CDH10: variants seen among roughly 807,000 people sequenced by gnomAD.
CDH10 encodes cadherin-10.
CDH10 carries 30 observed loss-of-function variants against 73.1 expected under a neutral mutation model. The observed-to-expected ratio is 0.41, with a 90% CI of 0.31 to 0.56. The LOEUF is 0.56. CDH10 is among the 20% of genes least tolerant of loss of function. The probability of loss-of-function intolerance (pLI) is 0.27; values close to 1 mark genes in which losing one functional copy is unlikely to be tolerated. For synonymous variants in CDH10, 345 were observed against 348.2 expected (o/e 0.99, Z 0.10); for missense variants, 815 against 973.7 (o/e 0.84, Z 2.17).
chr5:24,521,413 G>A lies in CDH10; in HGVS notation c.815-9899C>T, dbSNP rs989479278. 3.3e-5 allele frequency among the ~76,000 whole-genome samples: 5 copies of A among 152,106 alleles called. No homozygotes were observed. In the East Asian group the frequency reaches 9.7e-4, roughly 29 times the overall value. On this transcript the variant is annotated intron_variant, in intron 5 of 11. Transcript: ENST00000264463. ...TGCAAAATTAGCCGGGCATGGTGGT[G>A]CATGCTTGCATGCCTGACTAACATG...
At chr5:24,644,116 T>C (rs1345534389) in intron 1 of CDH10, among the ~76,000 whole-genome samples, 1 of 152,150 alleles carries the variant, frequency 6.6e-6, no homozygotes, top group Non-Finnish European at 1.5e-5. Flanking sequence ...CATTTCTGTT[T>C]ATATTGAACG....
chr5:24,535,164 A>G lies in CDH10; in HGVS notation c.762T>C (p.Thr254=), dbSNP rs776996866. Residue 254 remains threonine, a synonymous_variant, in exon 5 of 12, where the codon ACT becomes ACC. Transcript: ENST00000264463. ...TGACATCTGTCAGCGTGATGTTCAC[A>G]GTGGTTGTCCCCGATAAGCCTCCCA... ...GQMGGLSGTT[T]VNITLTDVND... is the part of the protein sequence containing the mutation. 1.9e-6 allele frequency: 3 copies of G among 1,613,460 alleles called. No homozygotes were observed. Among genetic ancestry groups the G allele is most frequent in the South Asian group, 1.1e-5 (1 of 91,042 alleles).
chr5:24,491,405 G>T (rs891790660), intron 11 of CDH10, among the ~76,000 whole-genome samples, 171 bp downstream of exon 11: 1 of 151,696 alleles, frequency 6.6e-6, no homozygotes, highest in Non-Finnish European at 1.5e-5. Flanking sequence ...TTATATATTC[G>T]TATATATTCC....
chr5:24,488,801 CA>C (rs201554304), intron 11 of CDH10, among the ~76,000 whole-genome samples: 79 of 114,742 alleles, frequency 6.9e-4, no homozygotes, highest in Admixed American at 9.9e-4. Flanking sequence ...ACCCCCCCCC[CA>C]AAAAAAATTG....
At chr5:24,622,682 C>A (rs1041957213) in intron 1 of CDH10, among the ~76,000 whole-genome samples, 1 of 151,982 alleles carries the variant, frequency 6.6e-6, no homozygotes, top group Non-Finnish European at 1.5e-5. Flanking sequence ...AGGACAGATG[C>A]GGTATTTATT....
chr5:24,638,790 T>C (rs1747949728), intron 1 of CDH10, among the ~76,000 whole-genome samples: 1 of 151,892 alleles, frequency 6.6e-6, no homozygotes, highest in African/African-American at 2.4e-5. Flanking sequence ...TTGACTAAGC[T>C]AATAGATAAT....
Position 24,570,738 on chromosome 5 carries a change from T to TGTC in CDH10, c.231+22521_231+22522insGAC, listed in dbSNP as rs541752473. ...AATCTTTAAAACTGTCTGTATGAAATATAAAGAAAATGTCTGCTTATGATA... is the reference window on the plus strand; with the variant it reads ...AATCTTTAAAACTGTCTGTATGAAATGTCATAAAGAAAATGTCTGCTTATGATA... On this transcript the variant is annotated intron_variant, in intron 2 of 11. Coordinates refer to ENST00000264463, the MANE Select transcript of CDH10 (RefSeq NM_006727.5). Among the ~76,000 whole-genome samples, 136 of 152,272 alleles carry TGTC rather than the reference T, an allele frequency of 8.9e-4. 4 individuals are homozygous for TGTC. The East Asian group carries it at 0.026, about 29-fold the overall frequency.
rs147199450 is a variant in CDH10, at chr5:24,600,487, AT to A, written c.-123-6875del. Among the ~76,000 whole-genome samples, 1,448 of 152,286 alleles carry A rather than the reference AT, an allele frequency of 9.5e-3. 25 individuals are homozygous for A. Among genetic ancestry groups the A allele is most frequent in the African/African-American group, 0.033 (1,381 of 41,540 alleles). On this transcript the variant is annotated intron_variant, in intron 1 of 11. Transcript: ENST00000264463. ...GGTTCTCACAATCCAAGAATTAACA[AT>A]GGGAATCCATGAAAAGAGCACCTAA...
chr5:24,586,907 C>T lies in CDH10; in HGVS notation c.231+6353G>A, dbSNP rs193010739. ...TCGCCCAGGCTGGAGTGCAGTGGCG[C>T]GATCTCTGCTCACTGCAAGCTCCGC... On this transcript the variant is annotated intron_variant, in intron 2 of 11. Coordinates refer to ENST00000264463, the MANE Select transcript of CDH10 (RefSeq NM_006727.5). Among the ~76,000 whole-genome samples, 27 of 134,422 alleles carry T rather than the reference C, an allele frequency of 2.0e-4. 1 individual carries two copies. Among genetic ancestry groups the T allele is most frequent in the Non-Finnish European group, 2.8e-4 (18 of 65,396 alleles). The allele number at this position is 134,422 out of a possible 152,430, so 88.2% of individuals were successfully genotyped here. A position where few individuals can be genotyped will look rare whatever the true frequency, so the allele number is the denominator to read the frequency against.
chr5:24,571,714 A>T, intron 2 of CDH10, among the ~76,000 whole-genome samples: 1 of 151,960 alleles, frequency 6.6e-6, no homozygotes, highest in East Asian at 1.9e-4. Flanking sequence ...CTATGAAAAA[A>T]AATAATGCTA....
chr5:24,517,462 T>C (rs1310798016), intron 5 of CDH10, among the ~76,000 whole-genome samples: 1 of 152,128 alleles, frequency 6.6e-6, no homozygotes, highest in Non-Finnish European at 1.5e-5. Context: ...CAAAGATTAA[T>C]GGGATCACAG....
chr5:24,547,972 T>C (rs1744403176), intron 2 of CDH10, among the ~76,000 whole-genome samples: 1 of 152,130 alleles, frequency 6.6e-6, no homozygotes. Context: ...AGCAAACAAA[T>C]GTTAAGAAAT....
In CDH10 at chr5:24,511,545, CAGAGAGAGAGAGAGAGAGAG is replaced by C. The variant is rs55901211; in HGVS notation, c.815-51_815-32del. ...AAGTATAAAGAAAAGAAGAGAGAGA[CAGAGAGAGAGAGAGAGAGAG>C]AGAGAGAGAGAGAGAGAGAGAGAGA... On this transcript the variant is annotated intron_variant, in intron 5 of 11. Transcript: ENST00000264463. The C allele has an allele frequency of 5.9e-4, 339 of 576,448 alleles. 1 individual carries two copies. Among genetic ancestry groups the C allele is most frequent in the African/African-American group, 1.4e-3 (66 of 46,444 alleles). 35.7% of individuals were successfully genotyped at this position (576,448 alleles called of 1,614,324 possible). A position where few individuals can be genotyped will look rare whatever the true frequency, so the allele number is the denominator to read the frequency against.
At chr5:24,528,659 T>C (rs1743621244) in intron 5 of CDH10, among the ~76,000 whole-genome samples, 1 of 152,046 alleles carries the variant, frequency 6.6e-6, no homozygotes, top group Non-Finnish European at 1.5e-5. Flanking sequence ...AATAAAAGTA[T>C]GATTTACCTG....
intron 1 of CDH10, among the ~76,000 whole-genome samples, chr5:24,620,468 T>C (rs1039770485): frequency 6.6e-6 from 1 of 152,188 alleles, no homozygotes; most frequent in Non-Finnish European, 1.5e-5. Flanking sequence ...ATAATATATA[T>C]AAAATGTGAT....
intron 2 of CDH10, among the ~76,000 whole-genome samples, chr5:24,548,359 G>A (rs1744416983): frequency 6.6e-6 from 1 of 151,556 alleles, no homozygotes; most frequent in Non-Finnish European, 1.5e-5. Flanking sequence ...GACCTTGGGG[G>A]ATACACCTGC....
At chr5:24,502,005 G>A (rs1177634892) in intron 8 of CDH10, among the ~76,000 whole-genome samples, 2 of 151,160 alleles carry the variant, frequency 1.3e-5, no homozygotes, top group African/African-American at 2.4e-5. Context: ...TGCAAGCTCC[G>A]CCTCCCGGGT....
chr5:24,547,354 G>A (rs1744382199), intron 2 of CDH10, among the ~76,000 whole-genome samples: 1 of 152,220 alleles, frequency 6.6e-6, no homozygotes, highest in East Asian at 1.9e-4. Context: ...TGAATAAACT[G>A]AAACCTGAGA....
intron 2 of CDH10, among the ~76,000 whole-genome samples, chr5:24,588,297 A>C (rs542017080): frequency 2.0e-5 from 3 of 152,206 alleles, no homozygotes; most frequent in Non-Finnish European, 4.4e-5. Flanking sequence ...TGGTTCAAAT[A>C]AAAAATAACT....
Sources: allele counts gnomAD v4.1 joint callset (sites outside exome capture counted in the v4.1 genomes callset), GRCh38; gene constraint gnomAD v4.1.1; transcripts MANE v1.5; gene names NCBI Gene and HGNC (gene_info 2026-07-23, HGNC 2026-07-21).